Variants in GRIK4 observed in about 807,000 individuals in gnomAD.
GRIK4 encodes the protein glutamate receptor ionotropic, kainate 4.
A neutral mutation model predicts 104.9 loss-of-function variants in GRIK4; 40 were observed. That is an observed-to-expected ratio of 0.38 (90% CI 0.30 to 0.50). The LOEUF is 0.50. Among genes scored for constraint, GRIK4 ranks in the 20% least tolerant of loss-of-function variants. GRIK4 has a pLI of 0.93. For synonymous variants in GRIK4, 485 were observed against 524.9 expected (o/e 0.92, Z 1.04); for missense variants, 1,047 against 1,308.1 (o/e 0.80, Z 3.08).
intron 1 of GRIK4, among the ~76,000 whole-genome samples, chr11:120,525,484 C>T (rs930978322): frequency 1.4e-4 from 22 of 152,108 alleles, no homozygotes; most frequent in African/African-American, 4.3e-4. Flanking sequence ...CTGGGCAGGG[C>T]GTGGAAAGAG....
At chr11:120,571,537 A>G (rs1380870604) in intron 1 of GRIK4, among the ~76,000 whole-genome samples, 1 of 152,016 alleles carries the variant, frequency 6.6e-6, no homozygotes, top group Non-Finnish European at 1.5e-5. Context: ...CAGAATTGTG[A>G]CTCAAACCCA....
intron 8 of GRIK4, among the ~76,000 whole-genome samples, chr11:120,854,723 C>CTTATGATACAGG (rs1461751314): frequency 3.3e-5 from 5 of 152,172 alleles, no homozygotes; most frequent in Non-Finnish European, 7.3e-5. Flanking sequence ...ATCATACTTC[C>CTTATGATACAGG]AGTCTGCACA....
At chr11:120,663,314 CAG>C (rs1226646457) in intron 3 of GRIK4, among the ~76,000 whole-genome samples, 1 of 152,146 alleles carries the variant, frequency 6.6e-6, no homozygotes, top group Non-Finnish European at 1.5e-5. Flanking sequence ...AATGAGGAAA[CAG>C]GGTCACAGCA....
At chr11:120,882,550 G>A (rs1304088081) in intron 11 of GRIK4, among the ~76,000 whole-genome samples, 1 of 152,222 alleles carries the variant, frequency 6.6e-6, no homozygotes, top group African/African-American at 2.4e-5. Context: ...GGTGGAGGGA[G>A]CAGAAAAAGA....
intron 12 of GRIK4, among the ~76,000 whole-genome samples, chr11:120,899,710 A>G (rs1183563717): frequency 6.6e-6 from 1 of 152,174 alleles, no homozygotes; most frequent in Non-Finnish European, 1.5e-5. Context: ...TAAACCAACT[A>G]CATGTATTAA....
intron 1 of GRIK4, among the ~76,000 whole-genome samples, chr11:120,517,161 A>G (rs1565534908): frequency 6.7e-6 from 1 of 149,298 alleles, no homozygotes; most frequent in Non-Finnish European, 1.5e-5. Flanking sequence ...CCAAATGGGC[A>G]GGGCCTTGTC....
chr11:120,679,938 C>G (rs537848396), intron 3 of GRIK4, among the ~76,000 whole-genome samples: 1 of 152,308 alleles, frequency 6.6e-6, no homozygotes, highest in Admixed American at 6.5e-5. Context: ...CTAGAACATC[C>G]TTGCCTCTCA....
At chr11:120,920,466 C>T (rs990660101) in intron 13 of GRIK4, among the ~76,000 whole-genome samples, 1 of 152,248 alleles carries the variant, frequency 6.6e-6, no homozygotes, top group East Asian at 1.9e-4. Flanking sequence ...TCTCCCAGGC[C>T]GGCCTGGGTT....
Position 120,640,761 on chromosome 11 carries a change from T to G in GRIK4, c.-158-12924T>G, listed in dbSNP as rs1415985032. 3.3e-5 allele frequency among the ~76,000 whole-genome samples: 5 copies of G among 151,920 alleles called. No individual in the cohort carries two copies. The East Asian group carries it at 9.7e-4, about 29-fold the overall frequency. Reference sequence around the variant, plus strand: ...TCTCGCTCTGTCATTCAGGCTGGAGTGCTGTGGCGCGATCTCAGCTCACTG... The same window carrying G: ...TCTCGCTCTGTCATTCAGGCTGGAGGGCTGTGGCGCGATCTCAGCTCACTG... On this transcript the variant is annotated intron_variant, in intron 1 of 20. Coordinates refer to ENST00000527524, the MANE Select transcript of GRIK4 (RefSeq NM_014619.5).
At position 120,726,780 on chromosome 11, in the gene GRIK4, T is replaced by TGGGGATAAA. The variant is rs1218938415; in HGVS notation, c.82+66380_82+66381insGGGGATAAA. ...CAGGCTGGGGATAAACATTTGAAAGTCATCAACAGGAGAGCCTCTGGTAAC... is the reference window on the plus strand; with the variant it reads ...CAGGCTGGGGATAAACATTTGAAAGTGGGGATAAACATCAACAGGAGAGCCTCTGGTAAC... On this transcript the variant is annotated intron_variant, in intron 3 of 20. Transcript: ENST00000527524. 5.8e-3 allele frequency among the ~76,000 whole-genome samples: 878 copies of TGGGGATAAA among 152,268 alleles called. 13 individuals carry two copies. The highest frequency in any genetic ancestry group is 0.02 in the African/African-American group (822 of 41,548).
intron 3 of GRIK4, among the ~76,000 whole-genome samples, chr11:120,662,547 A>T (rs1949834454): frequency 6.6e-6 from 1 of 152,078 alleles, no homozygotes; most frequent in Non-Finnish European, 1.5e-5. Flanking sequence ...TAGCGCAGGG[A>T]TGGGAAGAGA....
chr11:120,627,487 C>T (rs1949276337), intron 1 of GRIK4, among the ~76,000 whole-genome samples: 1 of 152,196 alleles, frequency 6.6e-6, no homozygotes, highest in Non-Finnish European at 1.5e-5. Flanking sequence ...TGTGCTAGCT[C>T]CTTCCAGTTC....
intron 1 of GRIK4, among the ~76,000 whole-genome samples, chr11:120,519,422 A>G (rs1163740090): frequency 6.6e-6 from 1 of 152,116 alleles, no homozygotes; most frequent in Non-Finnish European, 1.5e-5. Context: ...AAGCCCCCTC[A>G]CCGCTCCCAC....
intron 1 of GRIK4, among the ~76,000 whole-genome samples, chr11:120,640,753 G>GGCT (rs960731306): frequency 5.3e-5 from 8 of 151,546 alleles, no homozygotes; most frequent in Non-Finnish European, 1.2e-4. Context: ...CTGTCATTCA[G>GGCT]GCTGGAGTGC....
intron 1 of GRIK4, among the ~76,000 whole-genome samples, chr11:120,620,504 G>A (rs561763433): frequency 2.0e-5 from 3 of 151,962 alleles, no homozygotes; most frequent in South Asian, 2.1e-4. Flanking sequence ...ATAGCAATAC[G>A]AGCACAGACT....
chr11:120,842,333 G>A (rs143599389), intron 8 of GRIK4, among the ~76,000 whole-genome samples: 1 of 152,322 alleles, frequency 6.6e-6, no homozygotes, highest in East Asian at 1.9e-4. Flanking sequence ...ATACATGGGA[G>A]GGTTTATGGG....
intron 3 of GRIK4, among the ~76,000 whole-genome samples, chr11:120,709,489 T>C (rs116553111): frequency 0.012 from 1,778 of 152,246 alleles, 35 homozygotes; most frequent in African/African-American, 0.041. Flanking sequence ...TCTACTGCAG[T>C]TTTGGAGTTA....
At chr11:120,560,132 C>T (rs1948223949) in intron 1 of GRIK4, among the ~76,000 whole-genome samples, 1 of 152,024 alleles carries the variant, frequency 6.6e-6, no homozygotes. Context: ...TCACTGCAAC[C>T]TCCACCTCCG....
intron 3 of GRIK4, among the ~76,000 whole-genome samples, chr11:120,758,149 G>C (rs377006283): frequency 6.6e-6 from 1 of 152,104 alleles, no homozygotes; most frequent in Non-Finnish European, 1.5e-5. Flanking sequence ...GGTGGCACAC[G>C]ATCCCATGCA....
Sources: gnomAD v4.1 joint callset for allele counts (sites outside exome capture counted in the v4.1 genomes callset) on GRCh38, gnomAD v4.1.1 for gene constraint, MANE v1.5 for transcripts, NCBI Gene and HGNC (gene_info 2026-07-23, HGNC 2026-07-21) for gene names.